Variants in LRRC17 observed in about 807,000 individuals in gnomAD.
LRRC17 encodes the protein leucine rich repeat containing 17.
A neutral mutation model predicts 41.5 loss-of-function variants in LRRC17; 33 were observed. That is an observed-to-expected ratio of 0.80 (90% confidence interval 0.60 to 1.06). LRRC17 has a LOEUF of 1.06. LRRC17 is among the 50% of genes least tolerant of loss of function. The pLI is 0.00. For synonymous variants in LRRC17, 192 were observed against 197.0 expected, an observed-to-expected ratio of 0.97 and a Z score of 0.21; for missense variants, 491 against 519.3, an observed-to-expected ratio of 0.95 and a Z score of 0.53.
chr7:102,918,039 T>C (rs1816248336), intron 1 of LRRC17, among the ~76,000 whole-genome samples: 1 of 152,186 alleles, frequency 6.6e-6, no homozygotes, highest in African/African-American at 2.4e-5. Flanking sequence ...ATTACATTTT[T>C]CTCTTGGCAA....
chr7:102,913,125 G>A lies in LRRC17; in HGVS notation c.-161G>A. 1 of 1,614,120 alleles carries A rather than the reference G, an allele frequency of 6.2e-7. No individual in the cohort carries two copies. Among genetic ancestry groups the A allele is most frequent in the Non-Finnish European group, 8.5e-7 (1 of 1,180,016 alleles). ...AGAGGTCCAGATAGATGAGCTTGTG[G>A]CATCCATTCCCCAAGTTCAGGTACT... On this transcript the variant is annotated 5_prime_UTR_variant, in exon 1 of 4. The change creates a premature stop within an existing upstream ORF in the 5' untranslated region. Coordinates refer to ENST00000339431, the MANE Select transcript of LRRC17 (RefSeq NM_001031692.3).
At chr7:102,939,683 CTG>C (rs1201104325) in intron 3 of LRRC17, 98 bp downstream of exon 3, 5 of 1,080,470 alleles carry the variant, frequency 4.6e-6, no homozygotes, top group Non-Finnish European at 2.6e-6. Flanking sequence ...TTAAAAGTAA[CTG>C]AACTAAATAA....
chr7:102,934,515 A>G lies in LRRC17; in HGVS notation c.602A>G (p.Lys201Arg). The G allele has an allele frequency of 6.2e-7, 1 of 1,611,876 alleles. No homozygotes were observed. Among genetic ancestry groups the G allele is most frequent in the African/African-American group, 1.3e-5 (1 of 74,274 alleles). ...GAAAGTCCACAAGAACAAAAAAATA[A>G]AAAACTGCGGCAGATAAAATCTGAA... ...KCESPQEQKN[K>R]KLRQIKSEQL... is the part of the protein sequence containing the mutation. Residue 201 changes from lysine (K) to arginine (R), a missense_variant, in exon 2 of 4, where the codon AAA (lysine) becomes AGA (arginine). Transcript: ENST00000339431.
At chr7:102,920,756 A>C (rs999386892) in intron 1 of LRRC17, among the ~76,000 whole-genome samples, 1 of 152,246 alleles carries the variant, frequency 6.6e-6, no homozygotes, top group Non-Finnish European at 1.5e-5. Flanking sequence ...TATAAAAGAT[A>C]AACCTAAAAT....
At chr7:102,921,707 A>G (rs897981447) in intron 1 of LRRC17, among the ~76,000 whole-genome samples, 1 of 152,014 alleles carries the variant, frequency 6.6e-6, no homozygotes, top group Non-Finnish European at 1.5e-5. Flanking sequence ...AAAATAAAAG[A>G]AGCTCTGTTT....
In LRRC17 at chr7:102,913,996, C is replaced by T. The variant is rs116580900; in HGVS notation, c.-141+851C>T. 3.7e-3 allele frequency among the ~76,000 whole-genome samples: 570 copies of T among 152,250 alleles called. 5 individuals carry two copies. Among genetic ancestry groups the T allele is most frequent in the African/African-American group, 0.014 (563 of 41,534 alleles). The stretch of plus-strand genomic sequence containing the variant: ...AAAAAGTAGGGTAGTTAGGATGAGC[C>T]TGTACTACCATACGAGGGCTCGCAG... On this transcript the variant is annotated intron_variant, in intron 1 of 3. Coordinates refer to ENST00000339431, the MANE Select transcript of LRRC17 (RefSeq NM_001031692.3).
intron 2 of LRRC17, among the ~76,000 whole-genome samples, chr7:102,937,845 T>C (rs1443609443): frequency 1.3e-5 from 2 of 152,144 alleles, no homozygotes; most frequent in African/African-American, 4.8e-5. Context: ...TGAGGATCGG[T>C]ACAAGTATAC....
chr7:102,934,623 T>C lies in LRRC17; in HGVS notation c.710T>C (p.Val237Ala), dbSNP rs1819935092. The change falls in exon 2 of 4, where the codon GTG becomes GCG. Residue 237 changes from valine (V) to alanine (A), a missense_variant. By Grantham distance (64) the Val-to-Ala change is moderately conservative (BLOSUM62 0). Transcript: ENST00000339431. ...SGRPPVIKPE[V>A]DSTFCHNYVF... Reference sequence around the variant, plus strand: ...AGACCCCCAGTCATCAAGCCTGAGGTGGACTCAACTTTTTGCCACAATTAT... The same window carrying C: ...AGACCCCCAGTCATCAAGCCTGAGGCGGACTCAACTTTTTGCCACAATTAT... 1 of 1,609,668 alleles carries C rather than the reference T, an allele frequency of 6.2e-7. No homozygotes were observed. Among genetic ancestry groups the C allele is most frequent in the Non-Finnish European group, 8.5e-7 (1 of 1,178,876 alleles).
At chr7:102,913,406 T>C (rs1436208270) in intron 1 of LRRC17, among the ~76,000 whole-genome samples, 1 of 152,234 alleles carries the variant, frequency 6.6e-6, no homozygotes, top group Non-Finnish European at 1.5e-5. Flanking sequence ...TAACACACAA[T>C]ACATTTAATA....
rs1227796327 is a variant in LRRC17, at chr7:102,913,002, T to A, written c.-284T>A. On this transcript the variant is annotated 5_prime_UTR_variant, in exon 1 of 4. Coordinates refer to ENST00000339431, the MANE Select transcript of LRRC17 (RefSeq NM_001031692.3). ...GTGTGCTGCGGTCCGTGCACAGCAT[T>A]AGTATAACGTGAGGGCTGAATGCAG... 5.7e-6 allele frequency: 9 copies of A among 1,570,474 alleles called. No individual in the cohort carries two copies. Among genetic ancestry groups the A allele is most frequent in the Non-Finnish European group, 6.1e-6 (7 of 1,147,878 alleles).
intron 1 of LRRC17, among the ~76,000 whole-genome samples, chr7:102,925,553 G>A (rs1156271453): frequency 1.3e-5 from 2 of 152,140 alleles, no homozygotes; most frequent in African/African-American, 4.8e-5. Flanking sequence ...AAGCTCCCTA[G>A]AGGTGGTGGG....
Position 102,944,358 on chromosome 7 carries a change from C to T in LRRC17, c.1077C>T (p.His359=). ...CTTGGAGATGTGACTACAACATTCA[C>T]TACCTCTACTACTGGTTAAAGCACC... ...DNPWRCDYNI[H]YLYYWLKHHY... The change falls in exon 4 of 4, where the codon CAC becomes CAT. Residue 359 remains histidine (H), a synonymous_variant. Transcript: ENST00000339431. The T allele has an allele frequency of 6.2e-7, 1 of 1,614,102 alleles. No individual in the cohort carries two copies. The highest frequency in any genetic ancestry group is 1.1e-5 in the South Asian group (1 of 91,078).
At chr7:102,916,340 C>A (rs1005016760) in intron 1 of LRRC17, among the ~76,000 whole-genome samples, 1 of 152,128 alleles carries the variant, frequency 6.6e-6, no homozygotes, top group Admixed American at 6.6e-5. Context: ...TGAATTCTAT[C>A]CCTGATCCTC....
At chr7:102,933,647 G>A in intron 1 of LRRC17, 127 bp from the exon 2 acceptor site, 1 of 242,682 alleles carries the variant, frequency 4.1e-6, no homozygotes, top group Non-Finnish European at 7.9e-6. Context: ...AAGAGGGGAA[G>A]GAGCTTTCTA....
Position 102,934,327 on chromosome 7 carries a change from C to A in LRRC17, c.414C>A (p.His138Gln), listed in dbSNP as rs528743576. 15 of 1,614,134 alleles carry A rather than the reference C, an allele frequency of 9.3e-6. No individual in the cohort carries two copies. In the South Asian group the frequency reaches 1.4e-4, roughly 15 times the overall value. Residue 138 changes from histidine (H) to glutamine (Q), a missense_variant, in exon 2 of 4, where the codon CAC (histidine) becomes CAA (glutamine). Transcript: ENST00000339431. ...LNKLTTLLLQ[H>Q]NQIKVLTEEV... ...AACTCACCACCCTCTTACTGCAGCA[C>A]AACCAGATCAAAGTCTTGACGGAGG...
At position 102,926,340 on chromosome 7, in the gene LRRC17, G is replaced by A. The variant is rs150674888; in HGVS notation, c.-140-7434G>A. 8.3e-5 allele frequency: 134 copies of A among 1,613,816 alleles called. No individual in the cohort carries two copies. Among genetic ancestry groups the A allele is most frequent in the African/African-American group, 1.2e-4 (9 of 74,998 alleles). On this transcript the variant is annotated intron_variant, in intron 1 of 3. Coordinates refer to ENST00000339431, the MANE Select transcript of LRRC17 (RefSeq NM_001031692.3). ...AGACAGATTGAGACACAGGACCCCCGGGCAGCCCTCAGAAATGTGTCTCAT... is the reference window on the plus strand; with the variant it reads ...AGACAGATTGAGACACAGGACCCCCAGGCAGCCCTCAGAAATGTGTCTCAT...
At chr7:102,942,513 T>C (rs1271629180) in intron 3 of LRRC17, among the ~76,000 whole-genome samples, 1 of 152,224 alleles carries the variant, frequency 6.6e-6, no homozygotes, top group Non-Finnish European at 1.5e-5. Context: ...TGAATATATA[T>C]GGTTTAAATA....
chr7:102,933,143 C>G (rs1819544562), intron 1 of LRRC17: 1 of 152,138 alleles, frequency 6.6e-6, no homozygotes, highest in Non-Finnish European at 1.5e-5. Flanking sequence ...TAAAATAGGG[C>G]TGAACAGGAA....
At chr7:102,914,935 T>C (rs1205163016) in intron 1 of LRRC17, among the ~76,000 whole-genome samples, 7 of 152,116 alleles carry the variant, frequency 4.6e-5, no homozygotes, top group Admixed American at 2.0e-4. Context: ...CAGGGTGTCA[T>C]TTCTAGCAAT....
Sources: allele counts gnomAD v4.1 joint callset (sites outside exome capture counted in the v4.1 genomes callset), GRCh38; gene constraint gnomAD v4.1.1; transcripts MANE v1.5; gene names NCBI Gene and HGNC (gene_info 2026-07-23, HGNC 2026-07-21).